The following LRRTM4 variants were observed in gnomAD, a reference collection of about 807,000 sequenced individuals.
LRRTM4 encodes leucine rich repeat transmembrane neuronal 4.
LRRTM4 carries 25 observed loss-of-function variants against 47.6 expected under a neutral mutation model. The ratio of observed to expected loss-of-function variants is 0.53; its 90% CI spans 0.38 to 0.73. The LOEUF (loss-of-function observed/expected upper bound fraction) is 0.73, where lower values mean the gene tolerates loss of function less well. Among genes scored for constraint, LRRTM4 ranks in the 30% least tolerant of loss-of-function variants. The probability of loss-of-function intolerance (pLI) is 0.00; values close to 1 mark genes in which losing one functional copy is unlikely to be tolerated. For synonymous variants in LRRTM4, 311 were observed against 269.5 expected (o/e 1.15, Z -1.51); for missense variants, 638 against 713.4 (o/e 0.89, Z 1.20).
intron 3 of LRRTM4, among the ~76,000 whole-genome samples, chr2:77,470,483 G>T (rs1311639776): frequency 6.6e-6 from 1 of 152,088 alleles, no homozygotes; most frequent in Non-Finnish European, 1.5e-5. Flanking sequence ...ACTACGAGAA[G>T]GCATTCATTT....
At chr2:77,292,338 C>T (rs1321709855) in intron 3 of LRRTM4, among the ~76,000 whole-genome samples, 124 of 151,344 alleles carry the variant, frequency 8.2e-4, no homozygotes, top group African/African-American at 2.2e-3. Context: ...CCAGCCATCC[C>T]ATTACTGGGT....
chr2:76,823,946 A>T (rs997590395), intron 3 of LRRTM4, among the ~76,000 whole-genome samples: 1 of 151,560 alleles, frequency 6.6e-6, no homozygotes, highest in Non-Finnish European at 1.5e-5. Flanking sequence ...ATTATAAACC[A>T]TTCAACTTCA....
intron 3 of LRRTM4, among the ~76,000 whole-genome samples, chr2:77,239,888 G>A (rs1250155515): frequency 1.3e-5 from 2 of 151,648 alleles, no homozygotes; most frequent in African/African-American, 4.8e-5. Flanking sequence ...GAAGCCCTTA[G>A]GAACATTATT....
chr2:77,369,973 C>T (rs750460598), intron 3 of LRRTM4, among the ~76,000 whole-genome samples: 18 of 151,762 alleles, frequency 1.2e-4, no homozygotes, highest in Non-Finnish European at 1.9e-4. Context: ...ATGCATGACT[C>T]TCTCTAAATA....
At chr2:76,964,674 G>A (rs1675966320) in intron 3 of LRRTM4, among the ~76,000 whole-genome samples, 1 of 146,906 alleles carries the variant, frequency 6.8e-6, no homozygotes. Flanking sequence ...CCTTACTTTA[G>A]GAAATTAAAA....
At chr2:77,411,618 ATTTTTTTTTTTT>A (rs1222177148) in intron 3 of LRRTM4, among the ~76,000 whole-genome samples, 1 of 64,810 alleles carries the variant, frequency 1.5e-5, no homozygotes, top group Non-Finnish European at 2.7e-5. Context: ...ATGCCCGGCT[ATTTTTTTTTTTT>A]TTTTTTTTTT....
chr2:77,043,822 T>C (rs752578274), intron 3 of LRRTM4, among the ~76,000 whole-genome samples: 2 of 151,770 alleles, frequency 1.3e-5, no homozygotes, highest in Non-Finnish European at 2.9e-5. Flanking sequence ...AATGTAAAGC[T>C]TTATATGGCA....
At chr2:77,163,238 A>G (rs891693728) in intron 3 of LRRTM4, among the ~76,000 whole-genome samples, 3 of 152,144 alleles carry the variant, frequency 2.0e-5, no homozygotes, top group Non-Finnish European at 4.4e-5. Flanking sequence ...GTGACTGAAG[A>G]TGGAATGAAT....
At chr2:77,360,542 A>G (rs1055302951) in intron 3 of LRRTM4, among the ~76,000 whole-genome samples, 319 of 138,622 alleles carry the variant, frequency 2.3e-3, no homozygotes, top group Non-Finnish European at 2.7e-3. Flanking sequence ...GATACAATAC[A>G]ATCATTCATA....
chr2:77,059,717 A>ATGTTTGCCCAATGATCAT (rs1241586124), intron 3 of LRRTM4, among the ~76,000 whole-genome samples: 9 of 152,228 alleles, frequency 5.9e-5, no homozygotes, highest in African/African-American at 2.2e-4. Flanking sequence ...AGGGCAATAA[A>ATGTTTGCCCAATGATCAT]TGTTTGCCCA....
Position 77,124,390 on chromosome 2 carries a change from G to A in LRRTM4, c.1552-375474C>T, listed in dbSNP as rs146133800. ...ACTTTCTCTAGGCTGTGACACTGAAGACACAGACAAAGCGGTATTTTAGCC... is the reference window on the plus strand; with the variant it reads ...ACTTTCTCTAGGCTGTGACACTGAAAACACAGACAAAGCGGTATTTTAGCC... On this transcript the variant is annotated intron_variant, in intron 3 of 3. Coordinates refer to ENST00000409884, the MANE Select transcript of LRRTM4 (RefSeq NM_001134745.3). Among the ~76,000 whole-genome samples, 25 of 152,182 alleles carry A rather than the reference G, an allele frequency of 1.6e-4. No homozygotes were observed. The East Asian group carries it at 4.8e-3, about 29-fold the overall frequency.
chr2:77,273,126 C>A (rs1237185953), intron 3 of LRRTM4, among the ~76,000 whole-genome samples: 1 of 152,108 alleles, frequency 6.6e-6, no homozygotes, highest in Non-Finnish European at 1.5e-5. Flanking sequence ...CTATTTGGGA[C>A]ATCCATTAAA....
At chr2:77,014,523 T>TATATATATATATATATATATATATA (rs1677989293) in intron 3 of LRRTM4, among the ~76,000 whole-genome samples, 11 of 149,690 alleles carry the variant, frequency 7.3e-5, no homozygotes, top group South Asian at 2.1e-4. Flanking sequence ...TATATAAAGA[T>TATATATATATATATATATATATATA]TTTATAGGCC....
At chr2:77,168,327 G>C (rs1286446020) in intron 3 of LRRTM4, among the ~76,000 whole-genome samples, 1 of 151,452 alleles carries the variant, frequency 6.6e-6, no homozygotes, top group Non-Finnish European at 1.5e-5. Context: ...TAATTTTTTA[G>C]CTATATTTTC....
intron 3 of LRRTM4, among the ~76,000 whole-genome samples, chr2:77,047,775 TAGA>T (rs1679283068): frequency 6.6e-6 from 1 of 152,088 alleles, no homozygotes; most frequent in South Asian, 2.1e-4. Context: ...ATCTGAATTT[TAGA>T]AGGACAAATT....
At chr2:76,930,197 G>A (rs1674724705) in intron 3 of LRRTM4, among the ~76,000 whole-genome samples, 1 of 152,032 alleles carries the variant, frequency 6.6e-6, no homozygotes, top group Non-Finnish European at 1.5e-5. Flanking sequence ...ATTAGGTAGG[G>A]GGTTTCCACT....
chr2:77,005,124 T>C (rs553124604), intron 3 of LRRTM4, among the ~76,000 whole-genome samples: 20 of 152,062 alleles, frequency 1.3e-4, no homozygotes, highest in African/African-American at 4.8e-4. Context: ...TGGGGGACTG[T>C]TGGAAGGCAT....
chr2:77,323,986 G>C lies in LRRTM4; in HGVS notation c.1551+194332C>G, dbSNP rs189741953. On this transcript the variant is annotated intron_variant, in intron 3 of 3. Coordinates refer to ENST00000409884, the MANE Select transcript of LRRTM4 (RefSeq NM_001134745.3). ...AATAATTATTAGACAATAAATATTAGATCGTCATAATTACTAGGCTTGCAT... is the reference window on the plus strand; with the variant it reads ...AATAATTATTAGACAATAAATATTACATCGTCATAATTACTAGGCTTGCAT... Among the ~76,000 whole-genome samples, 38 of 152,138 alleles carry C rather than the reference G, an allele frequency of 2.5e-4. No homozygotes were observed. In the East Asian group the frequency reaches 4.8e-3, roughly 19 times the overall value.
chr2:77,468,309 A>T (rs893167199), intron 3 of LRRTM4, among the ~76,000 whole-genome samples: 7 of 152,186 alleles, frequency 4.6e-5, no homozygotes, highest in Admixed American at 3.3e-4. Context: ...ATATAAGCAC[A>T]GTACTATGTT....
Sources: allele counts gnomAD v4.1 joint callset (sites outside exome capture counted in the v4.1 genomes callset), GRCh38; gene constraint gnomAD v4.1.1; transcripts MANE v1.5; gene names NCBI Gene and HGNC (gene_info 2026-07-23, HGNC 2026-07-21).